SCFD2: variants seen among roughly 807,000 people sequenced by gnomAD.
SCFD2 encodes the protein sec1 family domain containing 2.
SCFD2 carries 54 observed loss-of-function variants against 58.9 expected under a neutral mutation model. The ratio of observed to expected loss-of-function variants is 0.92; its 90% CI spans 0.74 to 1.15. The LOEUF (loss-of-function observed/expected upper bound fraction) is 1.15. Among genes scored for constraint, SCFD2 ranks in the 50% most tolerant of loss-of-function variants. SCFD2 has a pLI of 0.00. For missense variants in SCFD2, 805 were observed against 836.6 expected, an observed-to-expected ratio of 0.96 and a Z score of 0.47; for synonymous variants, 321 against 335.9, an observed-to-expected ratio of 0.96 and a Z score of 0.49.
chr4:53,326,312 T>G (rs1318317611), intron 2 of SCFD2, among the ~76,000 whole-genome samples: 1 of 152,046 alleles, frequency 6.6e-6, no homozygotes, highest in African/African-American at 2.4e-5. Flanking sequence ...CTAGCTAATT[T>G]TTGTATTTTT....
chr4:52,922,712 TTAGGTATATACCTACGAC>T (rs1197039479), intron 5 of SCFD2, among the ~76,000 whole-genome samples: 1 of 152,232 alleles, frequency 6.6e-6, no homozygotes, highest in Non-Finnish European at 1.5e-5. Flanking sequence ...TTCATTTCTC[TTAGGTATATACCTACGAC>T]TAGAACAGCT....
chr4:53,266,383 C>T (rs141759839), intron 4 of SCFD2, among the ~76,000 whole-genome samples: 4 of 152,064 alleles, frequency 2.6e-5, no homozygotes, highest in African/African-American at 9.7e-5. Flanking sequence ...CTGACAATAA[C>T]ACTATGAGGT....
intron 5 of SCFD2, among the ~76,000 whole-genome samples, chr4:52,989,300 C>T (rs1322155035): frequency 6.6e-6 from 1 of 152,210 alleles, no homozygotes; most frequent in African/African-American, 2.4e-5. Context: ...CCATCAATTT[C>T]TCCTAAAGGG....
At chr4:53,179,084 T>C (rs1727449058) in intron 4 of SCFD2, among the ~76,000 whole-genome samples, 1 of 152,294 alleles carries the variant, frequency 6.6e-6, no homozygotes. Context: ...CTGCAGGATA[T>C]TATCCAGGAG....
chr4:52,926,614 C>A (rs1420818770), intron 5 of SCFD2, among the ~76,000 whole-genome samples: 1 of 152,190 alleles, frequency 6.6e-6, no homozygotes, highest in Non-Finnish European at 1.5e-5. Context: ...TATACTTTAA[C>A]CCTGGTCAAG....
At chr4:53,299,698 A>G (rs889032529) in intron 3 of SCFD2, among the ~76,000 whole-genome samples, 1 of 152,210 alleles carries the variant, frequency 6.6e-6, no homozygotes, top group South Asian at 2.1e-4. Flanking sequence ...AGCCAGAGAT[A>G]AACGTCAGGT....
intron 6 of SCFD2, among the ~76,000 whole-genome samples, chr4:52,913,478 G>A (rs970435593): frequency 6.6e-6 from 1 of 152,120 alleles, no homozygotes; most frequent in African/African-American, 2.4e-5. Flanking sequence ...CACTGTCTCT[G>A]TCTCCCATCA....
At chr4:53,195,926 T>C (rs1163527014) in intron 4 of SCFD2, among the ~76,000 whole-genome samples, 1 of 152,222 alleles carries the variant, frequency 6.6e-6, no homozygotes, top group African/African-American at 2.4e-5. Flanking sequence ...ATAGCTACTC[T>C]AATCTCAAAT....
intron 8 of SCFD2, among the ~76,000 whole-genome samples, chr4:52,882,307 CTA>C (rs1369342086): frequency 6.6e-6 from 1 of 152,112 alleles, no homozygotes; most frequent in African/African-American, 2.4e-5. Context: ...CTTTTAAATT[CTA>C]TGTGGCACAA....
intron 5 of SCFD2, among the ~76,000 whole-genome samples, chr4:53,032,118 G>A (rs970132418): frequency 9.2e-5 from 14 of 152,238 alleles, no homozygotes; most frequent in African/African-American, 3.1e-4. Flanking sequence ...AGCCAGAAGA[G>A]AGTGGGGGCC....
At chr4:52,964,371 C>CTTAACACTGCTAATTGCTTT (rs1298070950) in intron 5 of SCFD2, among the ~76,000 whole-genome samples, 1 of 152,130 alleles carries the variant, frequency 6.6e-6, no homozygotes, top group African/African-American at 2.4e-5. Context: ...GTTAAGTCAT[C>CTTAACACTGCTAATTGCTTT]AGTAGTAACT....
chr4:53,325,670 C>G (rs1733169419), intron 2 of SCFD2, among the ~76,000 whole-genome samples: 1 of 152,164 alleles, frequency 6.6e-6, no homozygotes, highest in Non-Finnish European at 1.5e-5. Context: ...AGGGAAGTCA[C>G]TATACAAGAC....
chr4:53,130,545 C>T (rs1170797575), intron 5 of SCFD2, among the ~76,000 whole-genome samples: 1 of 152,042 alleles, frequency 6.6e-6, no homozygotes, highest in Non-Finnish European at 1.5e-5. Context: ...GCAGTGCTAC[C>T]CCACTGACCA....
chr4:52,897,063 C>T (rs1032314468), intron 7 of SCFD2, among the ~76,000 whole-genome samples: 15 of 152,286 alleles, frequency 9.8e-5, no homozygotes, highest in South Asian at 2.1e-4. Context: ...TGGGCTGAGA[C>T]GATGGGGTTT....
At chr4:53,136,979 G>T (rs1207583785) in intron 5 of SCFD2, among the ~76,000 whole-genome samples, 1 of 152,120 alleles carries the variant, frequency 6.6e-6, no homozygotes, top group Non-Finnish European at 1.5e-5. Flanking sequence ...TTAAAACACT[G>T]GGCATCACTC....
chr4:52,914,614 C>G (rs1173110165), intron 6 of SCFD2, among the ~76,000 whole-genome samples: 1 of 152,172 alleles, frequency 6.6e-6, no homozygotes, highest in Non-Finnish European at 1.5e-5. Context: ...GACCACAGAG[C>G]TGACTTATTT....
chr4:53,039,100 A>G (rs538306056), intron 5 of SCFD2, among the ~76,000 whole-genome samples: 115 of 152,222 alleles, frequency 7.6e-4, no homozygotes, highest in African/African-American at 2.7e-3. Flanking sequence ...TGGCTACTCT[A>G]GTCTAGTGCC....
chr4:53,329,059 C>A (rs945672595), intron 2 of SCFD2, among the ~76,000 whole-genome samples: 6 of 152,244 alleles, frequency 3.9e-5, no homozygotes, highest in African/African-American at 1.4e-4. Context: ...CGGCACACCA[C>A]GAGATTATAT....
intron 4 of SCFD2, among the ~76,000 whole-genome samples, chr4:53,174,097 C>T (rs1349620944): frequency 6.6e-6 from 1 of 151,786 alleles, no homozygotes; most frequent in East Asian, 1.9e-4. Flanking sequence ...ATACTGACTT[C>T]AAATACTAAG....
Sources: allele counts gnomAD v4.1 joint callset (sites outside exome capture counted in the v4.1 genomes callset), GRCh38; gene constraint gnomAD v4.1.1; transcripts MANE v1.5; gene names NCBI Gene and HGNC (gene_info 2026-07-23, HGNC 2026-07-21).